FAF1: variants seen among roughly 807,000 people sequenced by gnomAD.
FAF1 encodes the protein Fas associated factor 1.
Under a neutral mutation model 92.5 loss-of-function variants are expected in FAF1, and 25 were observed. The ratio of observed to expected loss-of-function variants is 0.27; its 90% CI spans 0.20 to 0.38. The LOEUF (loss-of-function observed/expected upper bound fraction) is 0.38. Ranked by LOEUF, FAF1 falls within the 10% of genes least tolerant of loss-of-function variation. The probability of loss-of-function intolerance (pLI) is 1.00; values close to 1 mark genes in which losing one functional copy is unlikely to be tolerated. For missense variants in FAF1, 636 were observed against 793.3 expected, an observed-to-expected ratio of 0.80 and a Z score of 2.38; for synonymous variants, 234 against 273.2, an observed-to-expected ratio of 0.86 and a Z score of 1.42.
rs533700745 is a variant in FAF1, at chr1:50,542,232, T to G, written c.1269-2504A>C. On this transcript the variant is annotated intron_variant, in intron 13 of 18. Coordinates refer to ENST00000396153, the MANE Select transcript of FAF1 (RefSeq NM_007051.3). ...TGAATTATGTTTGAGATTTTCAAAT[T>G]GCAATCATCAAGAGCCTGTAGGGCT... 4.6e-5 allele frequency among the ~76,000 whole-genome samples: 7 copies of G among 152,320 alleles called. No homozygotes were observed. In the East Asian group the frequency reaches 1.3e-3, roughly 29 times the overall value.
At chr1:50,606,539 G>T (rs2124120532) in intron 8 of FAF1, among the ~76,000 whole-genome samples, 2 of 99,940 alleles carry the variant, frequency 2.0e-5, no homozygotes, top group South Asian at 7.1e-4. Flanking sequence ...CACTCTTGTT[G>T]CCCAGGCTGG....
intron 15 of FAF1, among the ~76,000 whole-genome samples, chr1:50,497,049 T>C (rs1454765603): frequency 1.3e-5 from 2 of 151,990 alleles, no homozygotes; most frequent in Non-Finnish European, 2.9e-5. Flanking sequence ...AAGCCACTGA[T>C]TCAAGAATCT....
intron 7 of FAF1, among the ~76,000 whole-genome samples, chr1:50,692,378 C>T (rs1367497409): frequency 6.6e-6 from 1 of 151,384 alleles, no homozygotes; most frequent in Non-Finnish European, 1.5e-5. Context: ...GTACGAAAGA[C>T]CATTAAAATT....
chr1:50,801,335 T>C (rs924295373), intron 3 of FAF1, among the ~76,000 whole-genome samples: 4 of 152,208 alleles, frequency 2.6e-5, no homozygotes, highest in African/African-American at 9.6e-5. Flanking sequence ...TGCTAATAGT[T>C]TAAAAAATTC....
intron 1 of FAF1, among the ~76,000 whole-genome samples, chr1:50,921,878 A>G (rs1254895800): frequency 6.6e-6 from 1 of 151,884 alleles, no homozygotes; most frequent in East Asian, 1.9e-4. Flanking sequence ...ACAGAAAACT[A>G]CCAAATGGCC....
chr1:50,769,172 C>T (rs914553121), intron 4 of FAF1, among the ~76,000 whole-genome samples: 5 of 152,146 alleles, frequency 3.3e-5, no homozygotes, highest in African/African-American at 1.2e-4. Context: ...ATGAACACCT[C>T]TATGCACAAA....
intron 15 of FAF1, among the ~76,000 whole-genome samples, chr1:50,530,238 GGTGTGTGTGTGT>G (rs72220248): frequency 6.6e-4 from 93 of 141,674 alleles, no homozygotes; most frequent in Non-Finnish European, 7.4e-4. Context: ...TTTAAGAAGT[GGTGTGTGTGTGT>G]GTGTGTGTGT....
At chr1:50,890,679 G>A (rs1181340333) in intron 1 of FAF1, among the ~76,000 whole-genome samples, 2 of 152,166 alleles carry the variant, frequency 1.3e-5, no homozygotes, top group Non-Finnish European at 2.9e-5. Context: ...TGAGAATGCT[G>A]AATATTGGTC....
chr1:50,948,367 T>C (rs868329045), intron 1 of FAF1, among the ~76,000 whole-genome samples: 1 of 152,140 alleles, frequency 6.6e-6, no homozygotes. Flanking sequence ...GGTGCCAGCA[T>C]CCGCTAGCTT....
At chr1:50,717,907 A>T (rs745623744) in intron 6 of FAF1, among the ~76,000 whole-genome samples, 3 of 152,126 alleles carry the variant, frequency 2.0e-5, no homozygotes, top group Non-Finnish European at 4.4e-5. Context: ...CATTAACCAT[A>T]AAAAAATGCC....
intron 8 of FAF1, among the ~76,000 whole-genome samples, chr1:50,602,284 CA>C (rs1224866928): frequency 1.3e-5 from 2 of 152,176 alleles, no homozygotes; most frequent in Non-Finnish European, 2.9e-5. Flanking sequence ...ATCGTCCTCA[CA>C]AGACACTGAT....
chr1:50,502,101 C>A (rs1353896645), intron 15 of FAF1, among the ~76,000 whole-genome samples: 2 of 152,146 alleles, frequency 1.3e-5, no homozygotes, highest in Non-Finnish European at 2.9e-5. Flanking sequence ...CATAAGATTT[C>A]AAAAAATAGG....
intron 2 of FAF1, among the ~76,000 whole-genome samples, chr1:50,857,697 T>C (rs1644400842): frequency 6.6e-6 from 1 of 151,762 alleles, no homozygotes; most frequent in Admixed American, 6.6e-5. Context: ...TAACACACAG[T>C]AAAATAAGAG....
chr1:50,843,905 G>A (rs926177509), intron 2 of FAF1, among the ~76,000 whole-genome samples: 14 of 152,092 alleles, frequency 9.2e-5, no homozygotes, highest in Non-Finnish European at 1.6e-4. Flanking sequence ...ACCCAGCTGT[G>A]AGAATTGCTG....
At chr1:50,461,635 G>A (rs1646432428) in intron 18 of FAF1, 1 of 152,092 alleles carries the variant, frequency 6.6e-6, no homozygotes, top group Non-Finnish European at 1.5e-5. Context: ...AAATACGCCT[G>A]TCTCTCACAC....
chr1:50,625,003 G>A (rs1653430720), intron 8 of FAF1, among the ~76,000 whole-genome samples: 1 of 149,806 alleles, frequency 6.7e-6, no homozygotes, highest in South Asian at 2.1e-4. Flanking sequence ...CCAGGTTCAA[G>A]AGATTCTCCT....
intron 1 of FAF1, among the ~76,000 whole-genome samples, chr1:50,896,216 T>C (rs534694245): frequency 1.3e-5 from 2 of 152,162 alleles, no homozygotes; most frequent in South Asian, 4.1e-4. Context: ...GCCCGGGAGG[T>C]TGAGGCTGCG....
chr1:50,891,811 A>T (rs1439769164), intron 1 of FAF1, among the ~76,000 whole-genome samples: 5 of 152,206 alleles, frequency 3.3e-5, no homozygotes, highest in African/African-American at 1.2e-4. Context: ...GGTGAGGGAC[A>T]CACTTGAGGA....
chr1:50,531,125 G>T (rs1463871242), intron 15 of FAF1, among the ~76,000 whole-genome samples: 1 of 152,102 alleles, frequency 6.6e-6, no homozygotes, highest in Non-Finnish European at 1.5e-5. Context: ...TGCCCCTCTG[G>T]CATATTTTGC....
Sources: allele counts gnomAD v4.1 joint callset (sites outside exome capture counted in the v4.1 genomes callset), GRCh38; gene constraint gnomAD v4.1.1; transcripts MANE v1.5; gene names NCBI Gene and HGNC (gene_info 2026-07-23, HGNC 2026-07-21).